ZNF532: variants seen among roughly 807,000 people sequenced by gnomAD.
ZNF532 encodes the protein zinc finger protein 532.
ZNF532 carries 22 observed loss-of-function variants against 89.3 expected under a neutral mutation model. That is an observed-to-expected ratio of 0.25 (90% CI 0.18 to 0.35). The LOEUF is 0.35. Among genes scored for constraint, ZNF532 ranks in the 10% least tolerant of loss-of-function variants. The pLI is 1.00. For missense variants in ZNF532, 1,132 were observed against 1,643.4 expected (o/e 0.69, Z 5.38); for synonymous variants, 606 against 649.6 (o/e 0.93, Z 1.02).
chr18:58,925,371 T>G (rs1005660130), intron 3 of ZNF532, among the ~76,000 whole-genome samples: 1 of 152,236 alleles, frequency 6.6e-6, no homozygotes, highest in African/African-American at 2.4e-5. Context: ...GCTAATGATG[T>G]TGAACACCTT....
chr18:58,961,966 T>C (rs1331028089), intron 7 of ZNF532, among the ~76,000 whole-genome samples: 1 of 152,194 alleles, frequency 6.6e-6, no homozygotes, highest in East Asian at 1.9e-4. Context: ...GGGTCATGCC[T>C]GTAATCCCAG....
In ZNF532 at chr18:58,898,115, T is replaced by G. The variant is rs78988696; in HGVS notation, c.-17-20156T>G. Reference sequence around the variant, plus strand: ...GGCAGTGAATTTGAATTTTTTGGTTTGTTCTGTTATTTCTAAATAATGTGC... The same window carrying G: ...GGCAGTGAATTTGAATTTTTTGGTTGGTTCTGTTATTTCTAAATAATGTGC... On this transcript the variant is annotated intron_variant, in intron 2 of 9. Transcript: ENST00000591808. 2.0e-3 allele frequency among the ~76,000 whole-genome samples: 304 copies of G among 152,370 alleles called. 11 individuals are homozygous for G. In the East Asian group the frequency reaches 0.055, roughly 27 times the overall value.
intron 5 of ZNF532, among the ~76,000 whole-genome samples, chr18:58,941,971 C>CTT (rs2063101459): frequency 7.7e-6 from 1 of 129,988 alleles, no homozygotes; most frequent in Non-Finnish European, 1.7e-5. Flanking sequence ...TCTCTCCCTC[C>CTT]CTCCCTCCTT....
intron 5 of ZNF532, among the ~76,000 whole-genome samples, chr18:58,947,330 G>A (rs898923838): frequency 2.0e-5 from 3 of 152,150 alleles, no homozygotes; most frequent in Admixed American, 1.3e-4. Context: ...AGAGAGTGTG[G>A]ATGGGCAGGA....
rs778835152 is a variant in ZNF532, at chr18:58,918,959, G to A, written c.672G>A (p.Glu224=). 1 of 1,613,714 alleles carries A rather than the reference G, an allele frequency of 6.2e-7. No homozygotes were observed. Among genetic ancestry groups the A allele is most frequent in the African/African-American group, 1.3e-5 (1 of 75,046 alleles). ...AACCTTTTAAAGTCAGAAAAGCAGA[G>A]GATAAATTGAAGGAAAGCTCTGACA... The part of the protein sequence containing the change: ...VYEPFKVRKA[E]DKLKESSDKV... The change falls in exon 3 of 10, where the codon GAG becomes GAA. Residue 224 remains glutamate (E), a synonymous_variant. Transcript: ENST00000591808.
At chr18:58,893,187 A>G (rs1246884051) in intron 2 of ZNF532, among the ~76,000 whole-genome samples, 7 of 152,062 alleles carry the variant, frequency 4.6e-5, no homozygotes. Context: ...TGTGTTGGCC[A>G]GGCTGGTCTT....
chr18:58,878,103 A>T (rs924819088), intron 2 of ZNF532, among the ~76,000 whole-genome samples: 3 of 152,086 alleles, frequency 2.0e-5, no homozygotes, highest in Non-Finnish European at 1.5e-5. Flanking sequence ...AAAATGACAA[A>T]AAGTAGCTAG....
At chr18:58,910,853 C>A (rs1360881378) in intron 2 of ZNF532, among the ~76,000 whole-genome samples, 1 of 151,666 alleles carries the variant, frequency 6.6e-6, no homozygotes, top group Non-Finnish European at 1.5e-5. Context: ...ATTCCATGAG[C>A]CCTAAAATTC....
At chr18:58,924,746 T>C (rs1457806639) in intron 3 of ZNF532, among the ~76,000 whole-genome samples, 1 of 152,196 alleles carries the variant, frequency 6.6e-6, no homozygotes, top group East Asian at 1.9e-4. Context: ...TTTCCAGCAC[T>C]ACAAAGATCT....
rs764368512 is a variant in ZNF532, at chr18:58,939,485, C to T, written c.2569C>T (p.Leu857=). ...CNVVYSDVAA[L]KSHIQGSHCE... Reference sequence around the variant, plus strand: ...TGTTGTGTACTCTGATGTGGCTGCTCTGAAGTCTCACATTCAAGGTTCTCA... The same window carrying T: ...TGTTGTGTACTCTGATGTGGCTGCTTTGAAGTCTCACATTCAAGGTTCTCA... Residue 857 remains leucine (L), a synonymous_variant, in exon 5 of 10, where the codon CTG becomes TTG. Transcript: ENST00000591808. 1.2e-6 allele frequency: 2 copies of T among 1,614,010 alleles called. No individual in the cohort carries two copies. The highest frequency in any genetic ancestry group is 2.2e-5 in the East Asian group (1 of 44,888).
chr18:58,984,254 C>A lies in ZNF532; in HGVS notation c.3694C>A (p.Gln1232Lys), dbSNP rs575472285. The A allele has an allele frequency of 6.2e-7, 1 of 1,612,006 alleles. No homozygotes were observed. Among genetic ancestry groups the A allele is most frequent in the East Asian group, 2.2e-5 (1 of 44,874 alleles). Residue 1232 changes from glutamine to lysine, a missense_variant, in exon 10 of 10, where the codon CAG becomes AAG. Around this residue, in one of 9 missense-constraint regions of ZNF532, gnomAD observed 415 missense variants for 604.8 expected, o/e 0.69. Transcript: ENST00000591808. ...CATCGTACACAAGTTAAAGGAACCTCAGCCAGTGTCCAAGCAAAATGGGGC... is the reference window on the plus strand; with the variant it reads ...CATCGTACACAAGTTAAAGGAACCTAAGCCAGTGTCCAAGCAAAATGGGGC... Reference protein sequence around the residue: ...LFIVHKLKEPQPVSKQNGAGE... With the variant: ...LFIVHKLKEPKPVSKQNGAGE...
intron 2 of ZNF532, among the ~76,000 whole-genome samples, chr18:58,906,218 A>G (rs1383551761): frequency 6.6e-6 from 1 of 152,228 alleles, no homozygotes; most frequent in Non-Finnish European, 1.5e-5. Context: ...AGGGTGGGGC[A>G]TCTACATAAA....
intron 7 of ZNF532, among the ~76,000 whole-genome samples, chr18:58,954,778 T>G (rs967930844): frequency 6.6e-6 from 1 of 151,030 alleles, no homozygotes; most frequent in Admixed American, 6.6e-5. Context: ...AGTGGCATGA[T>G]CTCGGCTTGC....
Position 58,919,478 on chromosome 18 carries a change from G to A in ZNF532, c.1191G>A (p.Ala397=), listed in dbSNP as rs376423868. 492 of 1,614,192 alleles carry A rather than the reference G, an allele frequency of 3.0e-4. No homozygotes were observed. The highest frequency in any genetic ancestry group is 3.9e-4 in the Non-Finnish European group (466 of 1,180,034). ...DSGKKPSEQT[A]SVMASVTSLL... is the part of the protein sequence containing the mutation. Reference sequence around the variant, plus strand: ...GAAAGAAACCTTCCGAGCAGACAGCGTCCGTGATGGCCTCTGTGACATCCC... The same window carrying A: ...GAAAGAAACCTTCCGAGCAGACAGCATCCGTGATGGCCTCTGTGACATCCC... Residue 397 remains alanine (A), a synonymous_variant, in exon 3 of 10, where the codon GCG becomes GCA. Coordinates refer to ENST00000591808, the MANE Select transcript of ZNF532 (RefSeq NM_001375912.1). The surrounding 1 kb of genome is among the most constrained non-coding windows in gnomAD (Gnocchi z 6.1).
chr18:58,969,475 C>G (rs2066250196), intron 7 of ZNF532, among the ~76,000 whole-genome samples: 1 of 152,206 alleles, frequency 6.6e-6, no homozygotes, highest in African/African-American at 2.4e-5. Flanking sequence ...AGCTTGGTCT[C>G]TCACCTGGGT....
At chr18:58,957,033 G>A (rs1032196167) in intron 7 of ZNF532, among the ~76,000 whole-genome samples, 1 of 152,194 alleles carries the variant, frequency 6.6e-6, no homozygotes, top group African/African-American at 2.4e-5. Flanking sequence ...TGATTTGGAA[G>A]ACATCTAACT....
intron 2 of ZNF532, among the ~76,000 whole-genome samples, chr18:58,902,465 C>T (rs553158178): frequency 2.7e-4 from 41 of 150,196 alleles, no homozygotes; most frequent in Admixed American, 1.1e-3. Context: ...TATTCTTTTT[C>T]GTTTCTGACT....
chr18:58,951,753 C>A (rs1298554220), intron 6 of ZNF532, among the ~76,000 whole-genome samples: 1 of 150,312 alleles, frequency 6.7e-6, no homozygotes, highest in African/African-American at 2.4e-5. Flanking sequence ...GGGTTCATGC[C>A]ATTCTCCTGC....
At chr18:58,885,704 A>G (rs2058250226) in intron 2 of ZNF532, among the ~76,000 whole-genome samples, 1 of 152,118 alleles carries the variant, frequency 6.6e-6, no homozygotes, top group East Asian at 2.0e-4. Flanking sequence ...AAACACAAAA[A>G]TTAGCTGGGT....
Sources: gnomAD v4.1 joint callset for allele counts (sites outside exome capture counted in the v4.1 genomes callset) on GRCh38, gnomAD v4.1.1 for gene constraint, gnomAD v4.1.1 regional missense constraint, Gnocchi (gnomAD v3.1) non-coding constraint, MANE v1.5 for transcripts, NCBI Gene and HGNC (gene_info 2026-07-23, HGNC 2026-07-21) for gene names.